DPYD: variants seen among roughly 807,000 people sequenced by gnomAD.
The protein encoded by DPYD is dihydropyrimidine dehydrogenase [NADP(+)].
In DPYD, 109 loss-of-function variants were observed where a neutral mutation model predicts 116.2. The ratio of observed to expected loss-of-function variants is 0.94; its 90% CI spans 0.80 to 1.10. The LOEUF is 1.10. Ranked by LOEUF, DPYD falls within the 50% of genes least tolerant of loss-of-function variation. The pLI is 0.00. For synonymous variants in DPYD, 440 were observed against 432.0 expected, an observed-to-expected ratio of 1.02 and a Z score of -0.23; for missense variants, 1,302 against 1,254.5, an observed-to-expected ratio of 1.04 and a Z score of -0.57.
At chr1:97,306,087 T>C in intron 17 of DPYD, 90 bp downstream of exon 17, 4 of 1,594,588 alleles carry the variant, frequency 2.5e-6, no homozygotes, top group Non-Finnish European at 3.4e-6. Context: ...AATATGCACA[T>C]GTTTGTAGGA....
chr1:97,385,777 G>A (rs1275601417), intron 14 of DPYD, among the ~76,000 whole-genome samples: 2 of 152,142 alleles, frequency 1.3e-5, no homozygotes, highest in Non-Finnish European at 2.9e-5. Context: ...CAGCAGGGAA[G>A]CAAGGTTTAG....
intron 13 of DPYD, among the ~76,000 whole-genome samples, chr1:97,470,035 T>G (rs1038561962): frequency 3.3e-5 from 5 of 152,202 alleles, no homozygotes; most frequent in African/African-American, 4.8e-5. Flanking sequence ...GCTAAATGTG[T>G]TGATGTTATT....
intron 3 of DPYD, among the ~76,000 whole-genome samples, chr1:97,822,234 C>A (rs35506209): frequency 0.75 from 110,737 of 148,150 alleles, 41,562 homozygotes; most frequent in East Asian, 0.93. Flanking sequence ...CTCTCTCTCT[C>A]TCTATATATA....
At chr1:97,389,075 G>C (rs1392862193) in intron 14 of DPYD, among the ~76,000 whole-genome samples, 1 of 151,990 alleles carries the variant, frequency 6.6e-6, no homozygotes, top group Non-Finnish European at 1.5e-5. Context: ...TAGGGTGTAA[G>C]GTCTCTTACT....
At chr1:97,375,533 C>T (rs1477069746) in intron 15 of DPYD, among the ~76,000 whole-genome samples, 2 of 152,134 alleles carry the variant, frequency 1.3e-5, no homozygotes, top group African/African-American at 4.8e-5. Context: ...TAAAGGTCTT[C>T]ATGTTATTTG....
At chr1:97,478,268 T>A (rs958180710) in intron 13 of DPYD, among the ~76,000 whole-genome samples, 2 of 152,094 alleles carry the variant, frequency 1.3e-5, no homozygotes, top group African/African-American at 2.4e-5. Context: ...TAGAGTAGAT[T>A]TAGCGTAATT....
chr1:97,496,071 T>C (rs1376368143), intron 13 of DPYD, among the ~76,000 whole-genome samples: 3 of 152,084 alleles, frequency 2.0e-5, no homozygotes, highest in Non-Finnish European at 4.4e-5. Context: ...TCATCTTATG[T>C]TCACTTCCTT....
chr1:97,666,722 A>G (rs1443239554), intron 8 of DPYD, among the ~76,000 whole-genome samples: 1 of 152,184 alleles, frequency 6.6e-6, no homozygotes, highest in East Asian at 1.9e-4. Flanking sequence ...GTTTCTCACC[A>G]TGGGGGGTTT....
intron 18 of DPYD, among the ~76,000 whole-genome samples, chr1:97,246,202 G>C (rs934876080): frequency 3.3e-5 from 5 of 152,084 alleles, no homozygotes; most frequent in Non-Finnish European, 5.9e-5. Context: ...ATTTCAATAG[G>C]GTAAAAAATG....
At chr1:97,897,290 T>C (rs1181974630) in intron 1 of DPYD, among the ~76,000 whole-genome samples, 1 of 151,924 alleles carries the variant, frequency 6.6e-6, no homozygotes, top group Non-Finnish European at 1.5e-5. Context: ...CTGTATCCAG[T>C]ACACCTGTTT....
intron 18 of DPYD, among the ~76,000 whole-genome samples, chr1:97,242,701 T>C (rs1353443593): frequency 4.0e-5 from 6 of 151,766 alleles, no homozygotes; most frequent in African/African-American, 9.7e-5. Flanking sequence ...ATAAGCATCA[T>C]CAGTATATAT....
chr1:97,079,845 T>C (rs1649031022), intron 22 of DPYD, among the ~76,000 whole-genome samples: 1 of 152,124 alleles, frequency 6.6e-6, no homozygotes, highest in Admixed American at 6.6e-5. Flanking sequence ...TTTTACAATT[T>C]TCCTTCCCCC....
chr1:97,322,234 TAA>T (rs199970686), intron 16 of DPYD, among the ~76,000 whole-genome samples: 15 of 146,274 alleles, frequency 1.0e-4, no homozygotes, highest in East Asian at 4.1e-4. Context: ...TAAAGTATAA[TAA>T]AAAAAAATAA....
intron 20 of DPYD, among the ~76,000 whole-genome samples, chr1:97,110,848 T>C (rs1390038676): frequency 6.6e-6 from 1 of 152,084 alleles, no homozygotes; most frequent in Non-Finnish European, 1.5e-5. Context: ...ATCATTAAAC[T>C]TAGTTGACCC....
intron 12 of DPYD, among the ~76,000 whole-genome samples, chr1:97,540,988 T>C (rs973510037): frequency 1.3e-5 from 2 of 152,194 alleles, no homozygotes. Flanking sequence ...AGTCTCTATT[T>C]GGTGCTTTTG....
At chr1:97,241,090 T>G (rs536705527) in intron 18 of DPYD, among the ~76,000 whole-genome samples, 1 of 152,088 alleles carries the variant, frequency 6.6e-6, no homozygotes, top group African/African-American at 2.4e-5. Flanking sequence ...TTAATTTTAG[T>G]TGAATTTTTT....
At chr1:97,084,455 C>T (rs1649368670) in intron 21 of DPYD, among the ~76,000 whole-genome samples, 1 of 151,792 alleles carries the variant, frequency 6.6e-6, no homozygotes, top group Admixed American at 6.6e-5. Flanking sequence ...ACCTTTTCCC[C>T]TTTTCCTCCC....
In DPYD at chr1:97,273,632, T is replaced by C. The variant is rs555250939; in HGVS notation, c.2299+31627A>G. 2.8e-4 allele frequency among the ~76,000 whole-genome samples: 42 copies of C among 152,338 alleles called. No homozygotes were observed. In the East Asian group the frequency reaches 3.1e-3, roughly 11 times the overall value. On this transcript the variant is annotated intron_variant, in intron 18 of 22. Coordinates refer to ENST00000370192, the MANE Select transcript of DPYD (RefSeq NM_000110.4). ...CATTTATCTAGGAATATAGACATTGTCAATATGTGATTGAATTACTGCACC... is the reference window on the plus strand; with the variant it reads ...CATTTATCTAGGAATATAGACATTGCCAATATGTGATTGAATTACTGCACC...
At chr1:97,780,707 TGAAAAGAA>T (rs1184833767) in intron 3 of DPYD, among the ~76,000 whole-genome samples, 5 of 152,108 alleles carry the variant, frequency 3.3e-5, no homozygotes, top group Admixed American at 6.6e-5. Flanking sequence ...TTCTTTTAAC[TGAAAAGAA>T]GCCAGATGGA....
Sources: allele counts gnomAD v4.1 joint callset (sites outside exome capture counted in the v4.1 genomes callset), GRCh38; gene constraint gnomAD v4.1.1; transcripts MANE v1.5; gene names NCBI Gene and HGNC (gene_info 2026-07-23, HGNC 2026-07-21).